The following BCL7A variants were observed in gnomAD, a reference collection of about 807,000 sequenced individuals.
BCL7A encodes the protein BAF chromatin remodeling complex subunit BCL7A, also known as B-cell CLL/lymphoma 7 protein family member A.
A neutral mutation model predicts 28.4 loss-of-function variants in BCL7A; 11 were observed. The observed-to-expected ratio is 0.39, with a 90% CI of 0.24 to 0.64. The LOEUF is 0.64. Among genes scored for constraint, BCL7A ranks in the 30% least tolerant of loss-of-function variants. The probability of loss-of-function intolerance (pLI) is 0.50; values close to 1 mark genes in which losing one functional copy is unlikely to be tolerated. For missense variants in BCL7A, 222 were observed against 274.8 expected (o/e 0.81, Z 1.36); for synonymous variants, 123 against 103.3 (o/e 1.19, Z -1.15).
Position 122,043,937 on chromosome 12 carries a change from A to G in BCL7A, c.323A>G (p.Glu108Gly), listed in dbSNP as rs1197315515. The change falls in exon 4 of 6, where the codon GAG (glutamate) becomes GGG (glycine). Residue 108 changes from glutamate to glycine, a missense_variant. By Grantham distance (98) the Glu-to-Gly change is moderately conservative (BLOSUM62 -2). Transcript: ENST00000261822. ...GCAGATGCCTCCCCCATCAAACAGG[A>G]GAACAGCAGCAACTCCAGCCCCGCT... ...SIADASPIKQ[E>G]NSSNSSPAPE... 1 of 1,613,844 alleles carries G rather than the reference A, an allele frequency of 6.2e-7. No individual in the cohort carries two copies. The highest frequency in any genetic ancestry group is 2.2e-5 in the East Asian group (1 of 44,886).
At chr12:122,053,146 C>A (rs1316724491) in intron 4 of BCL7A, among the ~76,000 whole-genome samples, 2 of 152,264 alleles carry the variant, frequency 1.3e-5, no homozygotes, top group East Asian at 3.9e-4. Context: ...CAGGCGTGCA[C>A]CACCATGCCT....
chr12:122,024,246 T>C (rs562185899), intron 1 of BCL7A, among the ~76,000 whole-genome samples: 3 of 152,328 alleles, frequency 2.0e-5, no homozygotes, highest in East Asian at 1.9e-4. Flanking sequence ...CAGCTTCCAG[T>C]TCACTTCGTT....
rs72047889 is a variant in BCL7A, at chr12:122,021,916, T to TTGTGTGTG, written c.-170_-163dup. 1.0e-4 allele frequency: 36 copies of TTGTGTGTG among 353,920 alleles called. No homozygotes were observed. The highest frequency in any genetic ancestry group is 3.2e-4 in the South Asian group (9 of 28,512). 21.9% of individuals were successfully genotyped at this position (353,920 alleles called of 1,614,324 possible). A position where few individuals can be genotyped will look rare whatever the true frequency, so the allele number is the denominator to read the frequency against. ...GCCAGGCGCGCGGCGGCCCCGGGCTTTGTGTGTGTGTGTATGTGTGTGTGT... is the reference window on the plus strand; with the variant it reads ...GCCAGGCGCGCGGCGGCCCCGGGCTTTGTGTGTGTGTGTGTGTGTGTATGTGTGTGTGT... On this transcript the variant is annotated 5_prime_UTR_variant, in exon 1 of 6. Coordinates refer to ENST00000261822, the MANE Select transcript of BCL7A (RefSeq NM_001024808.3).
chr12:122,024,293 C>A (rs979859179), intron 1 of BCL7A, among the ~76,000 whole-genome samples: 2 of 152,290 alleles, frequency 1.3e-5, no homozygotes, highest in Admixed American at 6.5e-5. Flanking sequence ...ACTTCTCTAA[C>A]CATGGTGACC....
intron 1 of BCL7A, among the ~76,000 whole-genome samples, chr12:122,027,034 C>T (rs993359836): frequency 3.9e-5 from 6 of 152,150 alleles, no homozygotes; most frequent in East Asian, 3.9e-4. Flanking sequence ...GGTAAGGTGA[C>T]GGGGCCGCCA....
At position 122,022,115 on chromosome 12, in the gene BCL7A, C is replaced by G. The variant is rs769080577; in HGVS notation, c.24C>G (p.Ala8=). 1 of 1,583,360 alleles carries G rather than the reference C, an allele frequency of 6.3e-7. No individual in the cohort carries two copies. The highest frequency in any genetic ancestry group is 1.1e-5 in the South Asian group (1 of 89,334). ...CCATGTCGGGCAGGTCGGTTCGAGC[C>G]GAGACGAGGAGCCGGGCCAAAGATG... The part of the protein sequence containing the change: MSGRSVR[A]ETRSRAKDDI... Residue 8 remains alanine (A), a synonymous_variant, in exon 1 of 6, where the codon GCC becomes GCG. Transcript: ENST00000261822.
intron 4 of BCL7A, among the ~76,000 whole-genome samples, chr12:122,049,778 C>G (rs1181260218): frequency 2.0e-5 from 3 of 152,072 alleles, no homozygotes; most frequent in Admixed American, 2.0e-4. Flanking sequence ...GTACCCTCAT[C>G]TCTCTTCACT....
At chr12:122,048,395 G>A (rs1025308683) in intron 4 of BCL7A, among the ~76,000 whole-genome samples, 1 of 152,090 alleles carries the variant, frequency 6.6e-6, no homozygotes, top group African/African-American at 2.4e-5. Context: ...AGTTAAAAAG[G>A]GATTGGAGGG....
intron 3 of BCL7A, among the ~76,000 whole-genome samples, chr12:122,039,322 T>TAAC (rs1883921314): frequency 1.4e-5 from 2 of 144,458 alleles, no homozygotes; most frequent in South Asian, 4.4e-4. Context: ...AAAAAAAAAA[T>TAAC]AATAATAATA....
At chr12:122,057,927 C>T (rs188291463) in intron 5 of BCL7A, among the ~76,000 whole-genome samples, 14 of 152,154 alleles carry the variant, frequency 9.2e-5, no homozygotes, top group Non-Finnish European at 1.8e-4. Context: ...TCATGGCTCA[C>T]ACCTGTAATC....
intron 3 of BCL7A, 99 bp downstream of exon 3, chr12:122,035,526 C>T: frequency 8.8e-7 from 1 of 1,136,664 alleles, no homozygotes; most frequent in Non-Finnish European, 1.3e-6. Flanking sequence ...GTTCACATTC[C>T]AGGCAAGGGG....
intron 1 of BCL7A, among the ~76,000 whole-genome samples, chr12:122,024,601 G>A (rs2135836513): frequency 6.6e-6 from 1 of 152,140 alleles, no homozygotes; most frequent in East Asian, 1.9e-4. Flanking sequence ...ACTGTGGGTT[G>A]TTTATTAATT....
rs574020432 is a variant in BCL7A at position 122,029,726 on chromosome 12, C to T, written c.93-974C>T. ...TAGGAGCCTCGGTTCCAACCCCAGCCCTGCTTCTGGGAGGCTCTCCTGAGC... is the reference window on the plus strand; with the variant it reads ...TAGGAGCCTCGGTTCCAACCCCAGCTCTGCTTCTGGGAGGCTCTCCTGAGC... On this transcript the variant is annotated intron_variant, in intron 1 of 5. Transcript: ENST00000261822. This position sits in a 1 kb window ranked among gnomAD's most constrained non-coding sequence, Gnocchi z 4.3. Among the ~76,000 whole-genome samples, 3 of 152,262 alleles carry T rather than the reference C, an allele frequency of 2.0e-5. No individual in the cohort carries two copies. Among genetic ancestry groups the T allele is most frequent in the Admixed American group, 6.5e-5 (1 of 15,280 alleles).
intron 4 of BCL7A, among the ~76,000 whole-genome samples, chr12:122,053,973 A>G (rs1451387072): frequency 6.6e-6 from 1 of 152,138 alleles, no homozygotes; most frequent in Non-Finnish European, 1.5e-5. Flanking sequence ...CCTCTAAAAC[A>G]TTAGTGGGGT....
rs746538307 is a variant in BCL7A at position 122,055,022 on chromosome 12, G to A, written c.561+96G>A. 5.6e-6 allele frequency: 9 copies of A among 1,606,398 alleles called. No individual in the cohort carries two copies. In the Admixed American group the frequency reaches 1.3e-4, roughly 24 times the overall value. ...GAAAGGTGTTTCGTCATTGTGTTTTGTTGTTTTGTCGTTGGACCATTGGAA... is the reference window on the plus strand; with the variant it reads ...GAAAGGTGTTTCGTCATTGTGTTTTATTGTTTTGTCGTTGGACCATTGGAA... On this transcript the variant is annotated intron_variant, in intron 5 of 5. Transcript: ENST00000261822.
chr12:122,036,174 A>G (rs1380948479), intron 3 of BCL7A, among the ~76,000 whole-genome samples: 2 of 152,106 alleles, frequency 1.3e-5, no homozygotes, highest in Non-Finnish European at 2.9e-5. Flanking sequence ...TGTTAATCCC[A>G]CCAGGACCTT....
intron 1 of BCL7A, among the ~76,000 whole-genome samples, chr12:122,026,139 C>T (rs1306710706): frequency 6.6e-6 from 1 of 151,224 alleles, no homozygotes; most frequent in African/African-American, 2.4e-5. Context: ...TGGTGGCAGG[C>T]GCCTATAGTC....
intron 1 of BCL7A, among the ~76,000 whole-genome samples, chr12:122,025,292 G>A (rs1883596425): frequency 6.6e-6 from 1 of 151,216 alleles, no homozygotes; most frequent in African/African-American, 2.4e-5. Flanking sequence ...GAGCCCAGGA[G>A]TTTGAGACCA....
rs1381924812 is a variant in BCL7A at position 122,060,333 on chromosome 12, C to T, written c.*1170C>T. 4.3e-6 allele frequency: 1 copy of T among 232,786 alleles called. No individual in the cohort carries two copies. The highest frequency in any genetic ancestry group is 8.5e-6 in the Non-Finnish European group (1 of 117,572). 14.4% of individuals were successfully genotyped at this position (232,786 alleles called of 1,614,324 possible). On this transcript the variant is annotated 3_prime_UTR_variant, in exon 6 of 6. Coordinates refer to ENST00000261822, the MANE Select transcript of BCL7A (RefSeq NM_001024808.3). ...CTCATCCCCAGAACATGCCGTCTGT[C>T]CCCACCGGGGAGTGGGCCTTGATGG...
Sources: gnomAD v4.1 joint callset for allele counts (sites outside exome capture counted in the v4.1 genomes callset) on GRCh38, gnomAD v4.1.1 for gene constraint, Gnocchi (gnomAD v3.1) non-coding constraint, MANE v1.5 for transcripts, NCBI Gene and HGNC (gene_info 2026-07-23, HGNC 2026-07-21) for gene names.